CHRNA7: variants seen among roughly 807,000 people sequenced by gnomAD.
CHRNA7 encodes the protein neuronal acetylcholine receptor subunit alpha-7.
CHRNA7 carries 17 observed loss-of-function variants against 48.0 expected under a neutral mutation model. That is an observed-to-expected ratio of 0.35 (90% confidence interval 0.24 to 0.53). CHRNA7 has a LOEUF of 0.53. Ranked by LOEUF, CHRNA7 falls within the 20% of genes least tolerant of loss-of-function variation. CHRNA7 has a pLI of 0.92. For missense variants in CHRNA7, 155 were observed against 577.7 expected, an observed-to-expected ratio of 0.27 and a Z score of 7.50; for synonymous variants, 75 against 242.3, an observed-to-expected ratio of 0.31 and a Z score of 6.41.
intron 4 of CHRNA7, among the ~76,000 whole-genome samples, chr15:32,152,843 T>A (rs1267069189): frequency 1.3e-5 from 2 of 151,986 alleles, no homozygotes; most frequent in Non-Finnish European, 2.9e-5. Flanking sequence ...TGTCAACACA[T>A]CAGAATCCAG....
chr15:32,124,367 G>A (rs74474612), intron 4 of CHRNA7, among the ~76,000 whole-genome samples: 401 of 152,298 alleles, frequency 2.6e-3, no homozygotes, highest in African/African-American at 9.0e-3. Flanking sequence ...ATGTTGCAGT[G>A]TGACTGCAAA....
intron 2 of CHRNA7, among the ~76,000 whole-genome samples, chr15:32,092,610 A>G (rs925831903): frequency 1.3e-5 from 2 of 152,048 alleles, no homozygotes; most frequent in African/African-American, 4.8e-5. Flanking sequence ...CATTATTTTT[A>G]TGTTATACTT....
At chr15:32,129,933 T>C (rs980953581) in intron 4 of CHRNA7, among the ~76,000 whole-genome samples, 2 of 152,016 alleles carry the variant, frequency 1.3e-5, no homozygotes, top group Non-Finnish European at 2.9e-5. Context: ...TTTTTTTCCA[T>C]TTCCTTGAGA....
At chr15:32,038,622 G>A (rs2141167099) in intron 2 of CHRNA7, among the ~76,000 whole-genome samples, 1 of 152,298 alleles carries the variant, frequency 6.6e-6, no homozygotes, top group Admixed American at 6.5e-5. Context: ...GCCTGTCTCA[G>A]CCTCCTAAAG....
At chr15:32,034,679 A>G (rs1184251849) in intron 2 of CHRNA7, among the ~76,000 whole-genome samples, 1 of 152,202 alleles carries the variant, frequency 6.6e-6, no homozygotes, top group Non-Finnish European at 1.5e-5. Context: ...TTCCTAGAAA[A>G]GGAAATAGTC....
chr15:32,090,639 T>C (rs1199879685), intron 2 of CHRNA7, among the ~76,000 whole-genome samples: 1 of 131,916 alleles, frequency 7.6e-6, no homozygotes, highest in African/African-American at 2.7e-5. Context: ...ATAAATGTCA[T>C]TGATTTTTCA....
At position 32,096,887 on chromosome 15, in the gene CHRNA7, G is replaced by A. The variant is rs556291871; in HGVS notation, c.196-4416G>A. The stretch of plus-strand genomic sequence containing the variant: ...AAAAAGAATGAAGGGAGTTAGGCGC[G>A]TTGACTCGAGGGTGCCTTGCCACAC... On this transcript the variant is annotated intron_variant, in intron 2 of 9. Coordinates refer to ENST00000306901, the MANE Select transcript of CHRNA7 (RefSeq NM_000746.6). 3.2e-4 allele frequency among the ~76,000 whole-genome samples: 49 copies of A among 152,336 alleles called. 1 individual carries two copies. Among genetic ancestry groups the A allele is most frequent in the Middle Eastern group, 3.4e-3 (1 of 294 alleles).
intron 4 of CHRNA7, among the ~76,000 whole-genome samples, chr15:32,131,293 C>T (rs2051152188): frequency 6.6e-6 from 1 of 151,956 alleles, no homozygotes; most frequent in African/African-American, 2.4e-5. Flanking sequence ...TCTTCTTTTT[C>T]TGAGACTCTC....
chr15:32,076,329 A>G (rs371153721), intron 2 of CHRNA7, among the ~76,000 whole-genome samples: 108 of 152,100 alleles, frequency 7.1e-4, no homozygotes, highest in Non-Finnish European at 1.4e-3. Flanking sequence ...TTTGTCATCT[A>G]TGTGTTTTGA....
chr15:32,030,589 C>G lies in CHRNA7; in HGVS notation c.-6C>G. The G allele has an allele frequency of 6.5e-7, 1 of 1,534,680 alleles. No homozygotes were observed. The highest frequency in any genetic ancestry group is 8.7e-7 in the Non-Finnish European group (1 of 1,148,534). ...GCGCCGGCTCGCTGCAGCTCCGGGACTCAACATGCGCTGCTCGCCGGGAGG... is the reference window on the plus strand; with the variant it reads ...GCGCCGGCTCGCTGCAGCTCCGGGAGTCAACATGCGCTGCTCGCCGGGAGG... On this transcript the variant is annotated 5_prime_UTR_variant, in exon 1 of 10. Coordinates refer to ENST00000306901, the MANE Select transcript of CHRNA7 (RefSeq NM_000746.6).
Position 32,030,550 on chromosome 15 carries a change from C to T in CHRNA7, c.-45C>T, listed in dbSNP as rs200201606. On this transcript the variant is annotated 5_prime_UTR_variant, in exon 1 of 10. Coordinates refer to ENST00000306901, the MANE Select transcript of CHRNA7 (RefSeq NM_000746.6). ...CCGCAGGCGCAGGCCCGGGCGACAG[C>T]CGAGACGTGGAGCGCGCCGGCTCGC... is the stretch of plus-strand genomic sequence containing the variant. The T allele has an allele frequency of 1.2e-5, 17 of 1,442,858 alleles. No individual in the cohort carries two copies. Among genetic ancestry groups the T allele is most frequent in the African/African-American group, 3.0e-5 (2 of 67,490 alleles). The allele number at this position is 1,442,858 out of a possible 1,614,324, so 89.4% of individuals were successfully genotyped here. A position where few individuals can be genotyped will look rare whatever the true frequency, so the allele number is the denominator to read the frequency against.
chr15:32,122,814 CAT>C (rs1345120575), intron 4 of CHRNA7, among the ~76,000 whole-genome samples: 1 of 146,960 alleles, frequency 6.8e-6, no homozygotes, highest in East Asian at 2.0e-4. Flanking sequence ...TAAAAAGAGA[CAT>C]ATGTCTTGAA....
At chr15:32,117,900 C>G (rs1595467502) in intron 4 of CHRNA7, among the ~76,000 whole-genome samples, 1 of 152,132 alleles carries the variant, frequency 6.6e-6, no homozygotes, top group Admixed American at 6.5e-5. Flanking sequence ...CCAAGGGCAT[C>G]ACTGGAAGGT....
chr15:32,048,474 T>C (rs1358928580), intron 2 of CHRNA7, among the ~76,000 whole-genome samples: 1 of 152,250 alleles, frequency 6.6e-6, no homozygotes, highest in Non-Finnish European at 1.5e-5. Context: ...TTTGTAGTAT[T>C]CTCTGATGAT....
intron 2 of CHRNA7, among the ~76,000 whole-genome samples, chr15:32,083,544 A>G (rs2050248931): frequency 6.6e-6 from 1 of 152,194 alleles, no homozygotes; most frequent in Non-Finnish European, 1.5e-5. Context: ...AACTAGTGCA[A>G]ATTTATTTTG....
intron 2 of CHRNA7, among the ~76,000 whole-genome samples, chr15:32,096,818 A>G (rs765630320): frequency 1.3e-5 from 2 of 152,216 alleles, no homozygotes; most frequent in Non-Finnish European, 2.9e-5. Context: ...AAAAAGCACG[A>G]TCACTTAAAT....
intron 2 of CHRNA7, among the ~76,000 whole-genome samples, chr15:32,073,486 G>C (rs923548017): frequency 6.6e-6 from 1 of 152,184 alleles, no homozygotes; most frequent in African/African-American, 2.4e-5. Flanking sequence ...GACATTTGGG[G>C]ACTATTTGGA....
intron 4 of CHRNA7, among the ~76,000 whole-genome samples, chr15:32,153,025 TC>T (rs2051664173): frequency 6.6e-6 from 1 of 150,950 alleles, no homozygotes; most frequent in East Asian, 1.9e-4. Context: ...ACTTCTGTTG[TC>T]TTCCCTCACT....
rs181329651 is a variant in CHRNA7, at chr15:32,058,098, A to T, written c.195+27061A>T. Among the ~76,000 whole-genome samples the T allele has an allele frequency of 9.2e-5, 14 of 152,262 alleles. No homozygotes were observed. In the East Asian group the frequency reaches 2.3e-3, roughly 25 times the overall value. The stretch of plus-strand genomic sequence containing the variant: ...ATTTACACTGACTAGTGGTCCTAGG[A>T]GCAGTAGGCTTTTAATTCTGCTTCC... On this transcript the variant is annotated intron_variant, in intron 2 of 9. Transcript: ENST00000306901.
Sources: gnomAD v4.1 joint callset for allele counts (sites outside exome capture counted in the v4.1 genomes callset) on GRCh38, gnomAD v4.1.1 for gene constraint, MANE v1.5 for transcripts, NCBI Gene and HGNC (gene_info 2026-07-23, HGNC 2026-07-21) for gene names.